Variants in HTR7 observed in about 807,000 individuals in gnomAD.
HTR7 encodes 5-hydroxytryptamine receptor 7.
HTR7 carries 16 observed loss-of-function variants against 34.0 expected under a neutral mutation model. The observed-to-expected ratio is 0.47, with a 90% CI of 0.32 to 0.71. The LOEUF (loss-of-function observed/expected upper bound fraction) is 0.71. Among genes scored for constraint, HTR7 ranks in the 30% least tolerant of loss-of-function variants. The probability of loss-of-function intolerance (pLI) is 0.04; values close to 1 mark genes in which losing one functional copy is unlikely to be tolerated. For synonymous variants in HTR7, 265 were observed against 260.2 expected (o/e 1.02, Z -0.18); for missense variants, 504 against 625.5 (o/e 0.81, Z 2.07).
chr10:90,848,111 CA>C (rs1264973371), intron 1 of HTR7, among the ~76,000 whole-genome samples: 2 of 132,938 alleles, frequency 1.5e-5, no homozygotes, highest in Non-Finnish European at 3.1e-5. Context: ...TCTTGTTGCC[CA>C]AGCTGGAGTG....
intron 1 of HTR7, among the ~76,000 whole-genome samples, chr10:90,826,879 G>C (rs1173669693): frequency 6.6e-6 from 1 of 152,024 alleles, no homozygotes; most frequent in Admixed American, 6.5e-5. Flanking sequence ...GGAGCTTGCA[G>C]TGAGTCAAGA....
At chr10:90,806,064 G>A (rs1475561737) in intron 1 of HTR7, among the ~76,000 whole-genome samples, 1 of 152,112 alleles carries the variant, frequency 6.6e-6, no homozygotes, top group Non-Finnish European at 1.5e-5. Context: ...TACATGCAGA[G>A]TTCATAAAGA....
intron 1 of HTR7, among the ~76,000 whole-genome samples, chr10:90,837,615 T>C (rs1459897423): frequency 6.6e-6 from 1 of 152,234 alleles, no homozygotes; most frequent in East Asian, 1.9e-4. Context: ...CTGTGCTAAA[T>C]AAAATTATTT....
At chr10:90,776,591 A>G (rs1233320086) in intron 1 of HTR7, among the ~76,000 whole-genome samples, 1 of 152,170 alleles carries the variant, frequency 6.6e-6, no homozygotes, top group Non-Finnish European at 1.5e-5. Flanking sequence ...TTCATACCTC[A>G]CATGTCACAT....
At chr10:90,788,103 A>G (rs536163894) in intron 1 of HTR7, among the ~76,000 whole-genome samples, 34 of 152,094 alleles carry the variant, frequency 2.2e-4, no homozygotes, top group African/African-American at 8.2e-4. Context: ...TCTAGTGGAG[A>G]AAGGCCTGGC....
Position 90,822,632 on chromosome 10 carries a change from A to G in HTR7, c.539+34501T>C, listed in dbSNP as rs557852063. ...ATTTGAGTTGGTTGCAGCAATTTGCATAAGTAAAGAAGAGCCTGATGTTAA... is the reference window on the plus strand; with the variant it reads ...ATTTGAGTTGGTTGCAGCAATTTGCGTAAGTAAAGAAGAGCCTGATGTTAA... On this transcript the variant is annotated intron_variant, in intron 1 of 3. Transcript: ENST00000336152. Among the ~76,000 whole-genome samples, 11 of 152,362 alleles carry G rather than the reference A, an allele frequency of 7.2e-5. No individual in the cohort carries two copies. The South Asian group carries it at 1.4e-3, about 20-fold the overall frequency.
At chr10:90,815,674 G>A (rs1056312271) in intron 1 of HTR7, among the ~76,000 whole-genome samples, 5 of 151,948 alleles carry the variant, frequency 3.3e-5, no homozygotes, top group African/African-American at 7.3e-5. Flanking sequence ...CATGGCACAC[G>A]TTTACCTACG....
At position 90,749,651 on chromosome 10, in the gene HTR7, A is replaced by G. The variant is rs557617488; in HGVS notation, c.540-57T>C. ...CACCGTGATCATAACTGGTCAACCAAGCAAGTCCTGCCAGCCAGGTACCAG... is the reference window on the plus strand; with the variant it reads ...CACCGTGATCATAACTGGTCAACCAGGCAAGTCCTGCCAGCCAGGTACCAG... On this transcript the variant is annotated intron_variant, in intron 1 of 3. Coordinates refer to ENST00000336152, the MANE Select transcript of HTR7 (RefSeq NM_019859.4). This position sits in a 1 kb window ranked among gnomAD's most constrained non-coding sequence, Gnocchi z 4.2. 5.1e-5 allele frequency: 77 copies of G among 1,516,978 alleles called. No homozygotes were observed. In the South Asian group the frequency reaches 9.3e-4, roughly 18 times the overall value. 94.0% of individuals were successfully genotyped at this position (1,516,978 alleles called of 1,614,324 possible).
At position 90,857,715 on chromosome 10, in the gene HTR7, A is replaced by G. The variant is rs774339292; in HGVS notation, c.-44T>C. 7.0e-7 allele frequency: 1 copy of G among 1,432,838 alleles called. No individual in the cohort carries two copies. The highest frequency in any genetic ancestry group is 9.0e-7 in the Non-Finnish European group (1 of 1,106,318). 88.8% of individuals were successfully genotyped at this position (1,432,838 alleles called of 1,614,324 possible). On this transcript the variant is annotated 5_prime_UTR_variant, in exon 1 of 4. Coordinates refer to ENST00000336152, the MANE Select transcript of HTR7 (RefSeq NM_019859.4). This position sits in a 1 kb window ranked among gnomAD's most constrained non-coding sequence, Gnocchi z 6.5. ...TGCCCATGGAGCCGGCGCCCCGGCC[A>G]CGCGCCTCCGGCTGCCGGCCCCGGG...
intron 1 of HTR7, among the ~76,000 whole-genome samples, chr10:90,845,099 G>A (rs1293768722): frequency 6.6e-6 from 1 of 152,176 alleles, no homozygotes; most frequent in Non-Finnish European, 1.5e-5. Context: ...TGATCAGTAA[G>A]TGACAGTGGA....
rs1206667530 is a variant in HTR7, at chr10:90,857,542, A to G, written c.130T>C (p.Trp44Arg). ...DGGADPVAGS[W>R]APHLLSEVTA... ...ACCTCGCTCAGCAGGTGCGGCGCCC[A>G]GGAGCCCGCGACCGGGTCGGCGCCA... is the stretch of plus-strand genomic sequence containing the variant. Residue 44 changes from tryptophan to arginine, a missense_variant, in exon 1 of 4, where the codon TGG (tryptophan) becomes CGG (arginine). Trp to Arg is a moderately radical substitution (Grantham distance 101, BLOSUM62 -3). Transcript: ENST00000336152. This position sits in a 1 kb window ranked among gnomAD's most constrained non-coding sequence, Gnocchi z 6.5. 1.9e-6 allele frequency: 3 copies of G among 1,602,738 alleles called. No individual in the cohort carries two copies. Among genetic ancestry groups the G allele is most frequent in the Non-Finnish European group, 2.6e-6 (3 of 1,175,386 alleles).
At chr10:90,838,340 A>G (rs1846281694) in intron 1 of HTR7, among the ~76,000 whole-genome samples, 1 of 152,290 alleles carries the variant, frequency 6.6e-6, no homozygotes, top group South Asian at 2.1e-4. Context: ...CCAGTCCATC[A>G]GCAAGGCCTG....
At chr10:90,824,796 G>T (rs867156221) in intron 1 of HTR7, among the ~76,000 whole-genome samples, 1 of 152,216 alleles carries the variant, frequency 6.6e-6, no homozygotes, top group South Asian at 2.1e-4. Context: ...CTTGTGGAAG[G>T]GGGAGGGACT....
At chr10:90,758,384 C>T (rs1222305163) in intron 1 of HTR7, among the ~76,000 whole-genome samples, 5 of 125,496 alleles carry the variant, frequency 4.0e-5, no homozygotes, top group Non-Finnish European at 6.9e-5. Context: ...GAAACAGACA[C>T]ACCTGAAAAG....
chr10:90,823,929 G>C (rs1469407378), intron 1 of HTR7, among the ~76,000 whole-genome samples: 5 of 152,132 alleles, frequency 3.3e-5, no homozygotes, highest in Admixed American at 6.5e-5. Context: ...TAAGTTTCCT[G>C]AGGTCTCCCA....
chr10:90,760,627 C>T (rs1169250711), intron 1 of HTR7, among the ~76,000 whole-genome samples: 3 of 152,128 alleles, frequency 2.0e-5, no homozygotes, highest in African/African-American at 7.2e-5. Context: ...CACCTGTAAT[C>T]CCCGCAATTT....
chr10:90,742,606 CTTAA>C, intron 3 of HTR7, 78 bp from the exon 4 acceptor site: 1 of 999,048 alleles, frequency 1.0e-6, no homozygotes. Context: ...GGTAGGTGGA[CTTAA>C]TTTTTACAGC....
chr10:90,829,783 A>T (rs1257373529), intron 1 of HTR7, among the ~76,000 whole-genome samples: 1 of 152,240 alleles, frequency 6.6e-6, no homozygotes, highest in Non-Finnish European at 1.5e-5. Context: ...ATGTTTCAAC[A>T]TACAAAATCA....
intron 1 of HTR7, among the ~76,000 whole-genome samples, chr10:90,754,389 A>T (rs1253966356): frequency 1.3e-5 from 2 of 152,082 alleles, no homozygotes; most frequent in Admixed American, 1.3e-4. Flanking sequence ...TTCAAGGGTG[A>T]GAAAGAAAAA....
Sources: gnomAD v4.1 joint callset for allele counts (sites outside exome capture counted in the v4.1 genomes callset) on GRCh38, gnomAD v4.1.1 for gene constraint, Gnocchi (gnomAD v3.1) non-coding constraint, MANE v1.5 for transcripts, NCBI Gene and HGNC (gene_info 2026-07-23, HGNC 2026-07-21) for gene names.